USP48: variants seen among roughly 807,000 people sequenced by gnomAD.
USP48 encodes the protein ubiquitin specific peptidase 48.
In USP48, 43 loss-of-function variants were observed where a neutral mutation model predicts 150.7. The observed-to-expected ratio is 0.29, with a 90% confidence interval of 0.22 to 0.37. USP48 has a LOEUF of 0.37. USP48 is among the 10% of genes least tolerant of loss of function. The pLI is 1.00. For synonymous variants in USP48, 396 were observed against 425.9 expected, an observed-to-expected ratio of 0.93 and a Z score of 0.86; for missense variants, 813 against 1,249.6, an observed-to-expected ratio of 0.65 and a Z score of 5.27.
In USP48 at chr1:21,697,519, C is replaced by T. The variant is rs1250574823; in HGVS notation, c.2728-2298G>A. ...TCTACTAAAAATACAAAAAATTAGC[C>T]GGGCTTGGTGGTGGGCGCCTGTAGT... On this transcript the variant is annotated intron_variant, in intron 22 of 26. Coordinates refer to ENST00000308271, the MANE Select transcript of USP48 (RefSeq NM_032236.8). Among the ~76,000 whole-genome samples the T allele has an allele frequency of 4.6e-5, 7 of 151,690 alleles. No homozygotes were observed. In the East Asian group the frequency reaches 5.8e-4, roughly 13 times the overall value.
At chr1:21,744,686 A>G (rs948818104) in intron 8 of USP48, among the ~76,000 whole-genome samples, 1 of 147,410 alleles carries the variant, frequency 6.8e-6, no homozygotes, top group African/African-American at 2.5e-5. Context: ...CTGAGGCAGG[A>G]GAATTGCTTG....
chr1:21,722,425 G>C (rs1340699257), intron 12 of USP48, among the ~76,000 whole-genome samples: 1 of 151,462 alleles, frequency 6.6e-6, no homozygotes, highest in Non-Finnish European at 1.5e-5. Flanking sequence ...TGTAGTCCTA[G>C]CTACTTGGGA....
chr1:21,728,406 C>T (rs1291596162), intron 11 of USP48, 164 bp downstream of exon 11: 1 of 1,403,286 alleles, frequency 7.1e-7, no homozygotes, highest in Non-Finnish European at 9.2e-7. Context: ...GAATGCTACA[C>T]ATCAAGTTAT....
At chr1:21,711,011 G>A (rs894333174) in intron 15 of USP48, among the ~76,000 whole-genome samples, 52 of 151,964 alleles carry the variant, frequency 3.4e-4, no homozygotes, top group African/African-American at 1.2e-3. Context: ...GTCTCACTAT[G>A]TTGCCCAGGC....
rs2097656904 is a variant in USP48, at chr1:21,701,512, G to T, written c.2713C>A (p.Pro905Thr). Residue 905 changes from proline (P) to threonine (T), a missense_variant, in exon 22 of 27, where the codon CCA becomes ACA. By Grantham distance (38) the Pro-to-Thr change is conservative. Transcript: ENST00000308271. ...EEAKPDGEKD[P>T]DFNQSNGGTK... is the part of the protein sequence containing the mutation. Reference sequence around the variant, plus strand: ...TCAACACATACTTGATTAAAATCTGGATCTTTTTCTCCATCTGGTTTAGCT... The same window carrying T: ...TCAACACATACTTGATTAAAATCTGTATCTTTTTCTCCATCTGGTTTAGCT... 2 of 1,613,848 alleles carry T rather than the reference G, an allele frequency of 1.2e-6. No individual in the cohort carries two copies. The highest frequency in any genetic ancestry group is 4.5e-5 in the East Asian group (2 of 44,872).
chr1:21,692,759 C>T (rs985562329), intron 23 of USP48, among the ~76,000 whole-genome samples: 2 of 152,144 alleles, frequency 1.3e-5, no homozygotes, highest in East Asian at 1.9e-4. Context: ...CAGGATCTAG[C>T]GAGCACAGGG....
intron 22 of USP48, among the ~76,000 whole-genome samples, chr1:21,699,705 C>T (rs1018403351): frequency 9.3e-5 from 14 of 150,978 alleles, no homozygotes; most frequent in African/African-American, 2.7e-4. Flanking sequence ...TTAGTAGAGA[C>T]GGGTTTCACT....
chr1:21,689,576 G>T (rs915466275), intron 24 of USP48, among the ~76,000 whole-genome samples: 1 of 152,116 alleles, frequency 6.6e-6, no homozygotes, highest in African/African-American at 2.4e-5. Context: ...TAGCAGTTGG[G>T]TGAGTGGGAT....
At chr1:21,770,989 G>A (rs1332966003) in intron 1 of USP48, among the ~76,000 whole-genome samples, 2 of 151,828 alleles carry the variant, frequency 1.3e-5, no homozygotes, top group Non-Finnish European at 2.9e-5. Flanking sequence ...AGCCAGGCAT[G>A]GTGGTGCATG....
In USP48 at chr1:21,678,338, A is replaced by C. The variant is rs1032986433; in HGVS notation, c.*1079T>G. 6.6e-6 allele frequency: 1 copy of C among 152,068 alleles called. No individual in the cohort carries two copies. The highest frequency in any genetic ancestry group is 1.5e-5 in the Non-Finnish European group (1 of 68,018). The allele number at this position is 152,068 out of a possible 1,614,324, so 9.4% of individuals were successfully genotyped here. A position where few individuals can be genotyped will look rare whatever the true frequency, so the allele number is the denominator to read the frequency against. On this transcript the variant is annotated 3_prime_UTR_variant, in exon 27 of 27. Transcript: ENST00000308271. ...TCCAGTCTTAAGTTCAATTAAAAAA[A>C]CCCCTTCAATATTCTTAAGAATATT...
intron 9 of USP48, among the ~76,000 whole-genome samples, chr1:21,734,537 T>C (rs1325922590): frequency 6.6e-6 from 1 of 152,258 alleles, no homozygotes; most frequent in Non-Finnish European, 1.5e-5. Context: ...TCAACTGCTA[T>C]GTTCCTGCCT....
At chr1:21,699,954 C>G (rs2097650403) in intron 22 of USP48, among the ~76,000 whole-genome samples, 1 of 150,288 alleles carries the variant, frequency 6.7e-6, no homozygotes, top group Admixed American at 6.6e-5. Flanking sequence ...ACAGAGTTGA[C>G]AACAGGGTAA....
chr1:21,730,587 G>A (rs559691133), intron 9 of USP48, among the ~76,000 whole-genome samples: 152 of 151,646 alleles, frequency 1.0e-3, no homozygotes, highest in African/African-American at 3.3e-3. Flanking sequence ...CCAGCTATTC[G>A]GGAGCCTGAG....
chr1:21,701,109 G>A (rs538374915), intron 22 of USP48, among the ~76,000 whole-genome samples: 1 of 148,202 alleles, frequency 6.7e-6, no homozygotes, highest in East Asian at 2.0e-4. Flanking sequence ...GCTCCTGCCT[G>A]TAATCTCAGC....
intron 1 of USP48, among the ~76,000 whole-genome samples, chr1:21,777,457 A>AT (rs2152655632): frequency 6.6e-6 from 1 of 152,226 alleles, no homozygotes; most frequent in Non-Finnish European, 1.5e-5. Context: ...TTGAGGCTAA[A>AT]GGTTCAAGGT....
intron 1 of USP48, among the ~76,000 whole-genome samples, chr1:21,768,912 G>A (rs989105001): frequency 2.0e-5 from 3 of 151,954 alleles, no homozygotes; most frequent in Non-Finnish European, 2.9e-5. Context: ...TGATCCTCCC[G>A]TCTTTGCCTC....
rs1491189889 is a variant in USP48, at chr1:21,694,608, C to CAAAAAAAAAAAA, written c.2883+457_2883+458insTTTTTTTTTTTT. On this transcript the variant is annotated intron_variant, in intron 23 of 26. Transcript: ENST00000308271. ...AAAAAAAAAAAAAAAAAAAAAAAAACCCCCTCTATCTATCAAATAGATTTA... is the reference window on the plus strand; with the variant it reads ...AAAAAAAAAAAAAAAAAAAAAAAAACAAAAAAAAAAAACCCCTCTATCTATCAAATAGATTTA... Among the ~76,000 whole-genome samples, 6 of 28,996 alleles carry CAAAAAAAAAAAA rather than the reference C, an allele frequency of 2.1e-4. 1 individual carries two copies. The highest frequency in any genetic ancestry group is 2.9e-3 in the East Asian group (2 of 692). The allele number at this position is 28,996 out of a possible 152,430, so 19.0% of individuals were successfully genotyped here. A position where few individuals can be genotyped will look rare whatever the true frequency, so the allele number is the denominator to read the frequency against.
chr1:21,742,518 T>C (rs1421894643), intron 8 of USP48, among the ~76,000 whole-genome samples: 1 of 144,718 alleles, frequency 6.9e-6, no homozygotes, highest in Admixed American at 7.2e-5. Context: ...CACTCCAGCC[T>C]GGGTGACAGA....
At chr1:21,769,094 T>G (rs138824466) in intron 1 of USP48, among the ~76,000 whole-genome samples, 71 of 152,340 alleles carry the variant, frequency 4.7e-4, no homozygotes, top group African/African-American at 1.6e-3. Context: ...GACATGTTCA[T>G]GATTAGCAGT....
Sources: gnomAD v4.1 joint callset for allele counts (sites outside exome capture counted in the v4.1 genomes callset) on GRCh38, gnomAD v4.1.1 for gene constraint, MANE v1.5 for transcripts, NCBI Gene and HGNC (gene_info 2026-07-23, HGNC 2026-07-21) for gene names.